The following CD96 variants were observed in gnomAD, a reference collection of about 807,000 sequenced individuals.
CD96 encodes the protein CD96 molecule, also known as T-cell surface protein tactile.
A neutral mutation model predicts 71.3 loss-of-function variants in CD96; 70 were observed. The ratio of observed to expected loss-of-function variants is 0.98; its 90% CI spans 0.81 to 1.20. The LOEUF is 1.20. Ranked by LOEUF, CD96 falls within the 50% of genes most tolerant of loss-of-function variation. The pLI is 0.00. For synonymous variants in CD96, 248 were observed against 233.0 expected, an observed-to-expected ratio of 1.06 and a Z score of -0.59; for missense variants, 742 against 677.5, an observed-to-expected ratio of 1.10 and a Z score of -1.06.
At chr3:111,594,090 A>G (rs1937136762) in intron 5 of CD96, 1 of 1,614,002 alleles carries the variant, frequency 6.2e-7, no homozygotes, top group Non-Finnish European at 8.5e-7. Context: ...GCACTCACAA[A>G]AGGGCCAACC....
At chr3:111,563,637 T>C (rs1935563232) in intron 2 of CD96, among the ~76,000 whole-genome samples, 1 of 152,262 alleles carries the variant, frequency 6.6e-6, no homozygotes, top group Admixed American at 6.5e-5. Context: ...CTGTTTTTAC[T>C]GACCTCCTCA....
chr3:111,638,628 T>C (rs1301489025), intron 12 of CD96, among the ~76,000 whole-genome samples: 1 of 152,232 alleles, frequency 6.6e-6, no homozygotes, highest in East Asian at 1.9e-4. Flanking sequence ...CCCTCTTTTA[T>C]ATCATAAGAG....
chr3:111,659,006 T>C (rs1038105945), intron 14 of CD96, among the ~76,000 whole-genome samples: 10 of 152,210 alleles, frequency 6.6e-5, no homozygotes, highest in South Asian at 4.1e-4. Context: ...TGTGAATCCA[T>C]TGGGTCCAGG....
At chr3:111,636,122 G>GA (rs1470366521) in intron 10 of CD96, among the ~76,000 whole-genome samples, 2 of 152,116 alleles carry the variant, frequency 1.3e-5, no homozygotes, top group African/African-American at 4.8e-5. Flanking sequence ...AACTCAGACT[G>GA]AAAAAAAGCT....
intron 10 of CD96, among the ~76,000 whole-genome samples, chr3:111,636,163 AC>A (rs1939316908): frequency 6.6e-6 from 1 of 152,256 alleles, no homozygotes; most frequent in African/African-American, 2.4e-5. Context: ...TTCTCAGGTG[AC>A]CCCAAATGGA....
intron 2 of CD96, among the ~76,000 whole-genome samples, chr3:111,547,144 C>T (rs1308081559): frequency 6.6e-6 from 1 of 152,104 alleles, no homozygotes; most frequent in African/African-American, 2.4e-5. Context: ...AATTATAGTG[C>T]TTTCTTTACA....
At chr3:111,584,662 C>T (rs754123861) in intron 4 of CD96, among the ~76,000 whole-genome samples, 8 of 152,092 alleles carry the variant, frequency 5.3e-5, no homozygotes, top group Non-Finnish European at 1.2e-4. Context: ...CCTGATAGAC[C>T]CACCAGATCT....
At chr3:111,616,997 A>G (rs541987114) in intron 8 of CD96, among the ~76,000 whole-genome samples, 22 of 152,316 alleles carry the variant, frequency 1.4e-4, no homozygotes, top group African/African-American at 5.3e-4. Context: ...TTTCAGAGCA[A>G]AGATGAGGCT....
Position 111,579,121 on chromosome 3 carries a change from A to G in CD96, c.638A>G (p.Tyr213Cys). 1 of 1,595,242 alleles carries G rather than the reference A, an allele frequency of 6.3e-7. No individual in the cohort carries two copies. Residue 213 changes from tyrosine (Y) to cysteine (C), a missense_variant, in exon 4 of 14, where the codon TAC (tyrosine) becomes TGC (cysteine). Tyr to Cys is a radical substitution (Grantham distance 194). Transcript: ENST00000352690. Reference sequence around the variant, plus strand: ...GATAGAGTCAAGCTTGGTACAGACTACAGACTCCACCTCTCTCCAGTCCAA... The same window carrying G: ...GATAGAGTCAAGCTTGGTACAGACTGCAGACTCCACCTCTCTCCAGTCCAA... Reference protein sequence around the residue: ...LKDRVKLGTDYRLHLSPVQIF... With the variant: ...LKDRVKLGTDCRLHLSPVQIF...
At chr3:111,562,172 C>T (rs912548167) in intron 2 of CD96, among the ~76,000 whole-genome samples, 2 of 152,210 alleles carry the variant, frequency 1.3e-5, no homozygotes, top group African/African-American at 2.4e-5. Context: ...CGGTCTTCTG[C>T]GTCGCTCACG....
intron 2 of CD96, among the ~76,000 whole-genome samples, chr3:111,548,064 C>A (rs1356415590): frequency 6.6e-6 from 1 of 152,086 alleles, no homozygotes; most frequent in Non-Finnish European, 1.5e-5. Flanking sequence ...CTTCTTATGC[C>A]CCTGTGCAAT....
chr3:111,655,789 T>C (rs994415718), downstream of CD96, among the ~76,000 whole-genome samples: 2 of 152,042 alleles, frequency 1.3e-5, no homozygotes, highest in Non-Finnish European at 2.9e-5. Context: ...AAAAGGGATA[T>C]TTTCTTAACT....
chr3:111,558,026 A>G (rs1309045447), intron 2 of CD96, among the ~76,000 whole-genome samples: 3 of 148,878 alleles, frequency 2.0e-5, no homozygotes, highest in Non-Finnish European at 4.5e-5. Context: ...TTGGTGTATA[A>G]GAATGCTTGT....
At chr3:111,549,381 T>C (rs903934622) in intron 2 of CD96, among the ~76,000 whole-genome samples, 1 of 152,168 alleles carries the variant, frequency 6.6e-6, no homozygotes, top group African/African-American at 2.4e-5. Context: ...GTTAGAAAGA[T>C]TGATTAGTCC....
intron 2 of CD96, among the ~76,000 whole-genome samples, chr3:111,558,656 G>C (rs1280873298): frequency 6.1e-5 from 8 of 130,162 alleles, no homozygotes; most frequent in Non-Finnish European, 1.1e-4. Context: ...AAGGATATTG[G>C]TCTAAAATTC....
At chr3:111,664,062 C>A (rs1424976310) in intron 14 of CD96, among the ~76,000 whole-genome samples, 1 of 152,138 alleles carries the variant, frequency 6.6e-6, no homozygotes, top group Non-Finnish European at 1.5e-5. Context: ...TTATACACTT[C>A]TGGTGGGAAT....
At chr3:111,647,103 A>C (rs987318039) in intron 12 of CD96, among the ~76,000 whole-genome samples, 15 of 151,604 alleles carry the variant, frequency 9.9e-5, no homozygotes, top group South Asian at 2.1e-4. Flanking sequence ...AAAAAAAAAA[A>C]AAAAAACCCT....
At chr3:111,598,721 G>T (rs946426572) in intron 6 of CD96, among the ~76,000 whole-genome samples, 1 of 152,128 alleles carries the variant, frequency 6.6e-6, no homozygotes, top group Non-Finnish European at 1.5e-5. Context: ...CCTTGACAAG[G>T]TACATGTTCC....
At chr3:111,582,886 A>G (rs917704923) in intron 4 of CD96, among the ~76,000 whole-genome samples, 2 of 152,172 alleles carry the variant, frequency 1.3e-5, no homozygotes, top group African/African-American at 4.8e-5. Flanking sequence ...CAGCCAAACC[A>G]TATAATTTCA....
Sources: allele counts gnomAD v4.1 joint callset (sites outside exome capture counted in the v4.1 genomes callset), GRCh38; gene constraint gnomAD v4.1.1; transcripts MANE v1.5; gene names NCBI Gene and HGNC (gene_info 2026-07-23, HGNC 2026-07-21).